The following SPMIP4 variants were observed in gnomAD, a reference collection of about 807,000 sequenced individuals.
The protein encoded by SPMIP4 is sperm-associated microtubule inner protein 4.
At chr7:25,169,050 G>T in the SPMIP4 span, among the ~76,000 whole-genome samples, 1 of 151,056 alleles carries the variant, frequency 6.6e-6, no homozygotes, top group African/African-American at 2.4e-5. Context: ...TTAAAAACAG[G>T]TTTATTGAGA....
the SPMIP4 span, among the ~76,000 whole-genome samples, chr7:25,172,971 A>T: frequency 9.7e-6 from 1 of 103,324 alleles, no homozygotes; most frequent in African/African-American, 3.7e-5. This position sits in a 1 kb window ranked among gnomAD's most constrained non-coding sequence, Gnocchi z 4.2. Flanking sequence ...CATGGAGGAG[A>T]GGAAGGGGGT....
At chr7:25,148,494 T>TTTTTTTTTTG in the SPMIP4 span, among the ~76,000 whole-genome samples, 1 of 68,840 alleles carries the variant, frequency 1.5e-5, no homozygotes, top group African/African-American at 3.8e-5. Context: ...TTTTTTTTTT[T>TTTTTTTTTTG]GAGACAGAGT....
At chr7:25,141,709 TAAA>T in the SPMIP4 span, among the ~76,000 whole-genome samples, 14 of 149,420 alleles carry the variant, frequency 9.4e-5, no homozygotes, top group South Asian at 2.1e-4. Flanking sequence ...GAAAATCTGT[TAAA>T]AAAAAAAAAC....
chr7:25,135,560 T>C, the SPMIP4 span: 3 of 945,240 alleles, frequency 3.2e-6, no homozygotes, highest in Non-Finnish European at 3.8e-6. Context: ...GTTCTCATTT[T>C]TATTAAGATA....
At chr7:25,177,581 C>T in the SPMIP4 span, among the ~76,000 whole-genome samples, 626 of 152,212 alleles carry the variant, frequency 4.1e-3, 9 homozygotes, top group African/African-American at 0.015. Context: ...TTTCCTTTTC[C>T]TTTTCTCAAA....
chr7:25,136,037 C>T, the SPMIP4 span: 1 of 1,614,000 alleles, frequency 6.2e-7, no homozygotes, highest in Admixed American at 1.7e-5. This position sits in a 1 kb window ranked among gnomAD's most constrained non-coding sequence, Gnocchi z 5.7. Context: ...TGCTCATTAT[C>T]CCTGAGGTCT....
the SPMIP4 span, among the ~76,000 whole-genome samples, chr7:25,149,922 C>A: frequency 6.6e-6 from 1 of 152,122 alleles, no homozygotes; most frequent in Non-Finnish European, 1.5e-5. Context: ...AGAGGAGTGA[C>A]CAGCAAGCAC....
chr7:25,126,054 AAT>A, the SPMIP4 span: 233,149 of 271,202 alleles, frequency 0.86, 101,671 homozygotes, highest in Middle Eastern at 0.87. Context: ...GAAGTAGGTA[AAT>A]ATATATATAT....
chr7:25,151,326 A>G, the SPMIP4 span, among the ~76,000 whole-genome samples: 1 of 151,116 alleles, frequency 6.6e-6, no homozygotes, highest in African/African-American at 2.4e-5. Flanking sequence ...GGTTCAAGCG[A>G]TTCTCATGCC....
chr7:25,141,628 A>G, the SPMIP4 span, among the ~76,000 whole-genome samples: 1 of 151,004 alleles, frequency 6.6e-6, no homozygotes, highest in South Asian at 2.1e-4. Context: ...TAGGAATCTC[A>G]TTAAATCACT....
At chr7:25,155,718 G>A in the SPMIP4 span, among the ~76,000 whole-genome samples, 1 of 151,964 alleles carries the variant, frequency 6.6e-6, no homozygotes. Context: ...ACACAGTACT[G>A]CTTCAAAATC....
At chr7:25,125,989 A>G in the SPMIP4 span, 1 of 979,956 alleles carries the variant, frequency 1.0e-6, no homozygotes. Flanking sequence ...TGAAAAATAA[A>G]ATTAAGAGGA....
At chr7:25,141,141 T>G in the SPMIP4 span, among the ~76,000 whole-genome samples, 1 of 152,228 alleles carries the variant, frequency 6.6e-6, no homozygotes, top group Non-Finnish European at 1.5e-5. Context: ...CCATTTCGCA[T>G]AATCAATTTA....
At chr7:25,163,412 A>T in the SPMIP4 span, among the ~76,000 whole-genome samples, 1 of 152,078 alleles carries the variant, frequency 6.6e-6, no homozygotes, top group Non-Finnish European at 1.5e-5. The surrounding 1 kb of genome is among the most constrained non-coding windows in gnomAD (Gnocchi z 4.4). Context: ...ATGGCCCTGG[A>T]GTGTGAGGGT....
At chr7:25,175,137 T>C in the SPMIP4 span, among the ~76,000 whole-genome samples, 2 of 141,250 alleles carry the variant, frequency 1.4e-5, no homozygotes, top group East Asian at 2.0e-4. Context: ...TGTCCATATA[T>C]AGAGGCAGCC....
At chr7:25,151,600 TA>T in the SPMIP4 span, 1 of 1,584,108 alleles carries the variant, frequency 6.3e-7, no homozygotes, top group Non-Finnish European at 8.7e-7. Context: ...ACTTACATCA[TA>T]ATATACACCT....
At chr7:25,161,524 A>C in the SPMIP4 span, among the ~76,000 whole-genome samples, 1 of 151,968 alleles carries the variant, frequency 6.6e-6, no homozygotes, top group Admixed American at 6.6e-5. Flanking sequence ...GACATGAGCT[A>C]CTGTGCCTGG....
At chr7:25,147,589 G>A in the SPMIP4 span, among the ~76,000 whole-genome samples, 1 of 152,162 alleles carries the variant, frequency 6.6e-6, no homozygotes, top group Non-Finnish European at 1.5e-5. Flanking sequence ...CAACGTGAAA[G>A]GAGGAGGGAA....
chr7:25,129,502 G>C, the SPMIP4 span, among the ~76,000 whole-genome samples: 3 of 152,156 alleles, frequency 2.0e-5, no homozygotes, highest in South Asian at 6.2e-4. Context: ...CCACTGCTGG[G>C]GGATGTGGAA....
Sources: allele counts gnomAD v4.1 joint callset (sites outside exome capture counted in the v4.1 genomes callset), GRCh38; gene constraint gnomAD v4.1.1; non-coding constraint Gnocchi (gnomAD v3.1); transcripts MANE v1.5; gene names NCBI Gene and HGNC (gene_info 2026-07-23, HGNC 2026-07-21).